Variants in SLC24A2 observed in about 807,000 individuals in gnomAD.
SLC24A2 encodes the protein solute carrier family 24 member 2.
SLC24A2 carries 36 observed loss-of-function variants against 62.0 expected under a neutral mutation model. The ratio of observed to expected loss-of-function variants is 0.58; its 90% CI spans 0.44 to 0.77. The LOEUF is 0.77. Among genes scored for constraint, SLC24A2 ranks in the 30% least tolerant of loss-of-function variants. SLC24A2 has a pLI of 0.00. For missense variants in SLC24A2, 846 were observed against 817.9 expected (o/e 1.03, Z -0.42); for synonymous variants, 358 against 294.0 (o/e 1.22, Z -2.23).
chr9:20,300,196 T>C, the SLC24A2 span, among the ~76,000 whole-genome samples: 26 of 152,344 alleles, frequency 1.7e-4, no homozygotes, highest in African/African-American at 6.0e-4. Flanking sequence ...AGGCATGCCA[T>C]GTATGGTAAT....
At chr9:19,960,864 T>A in the SLC24A2 span, among the ~76,000 whole-genome samples, 1 of 152,190 alleles carries the variant, frequency 6.6e-6, no homozygotes, top group Non-Finnish European at 1.5e-5. Context: ...CTGAGCACAA[T>A]GCCTGGTGTG....
chr9:20,236,436 G>T, the SLC24A2 span, among the ~76,000 whole-genome samples: 1 of 152,144 alleles, frequency 6.6e-6, no homozygotes, highest in Non-Finnish European at 1.5e-5. Context: ...AAAGGGAGGA[G>T]GCCATCATGA....
At chr9:19,916,831 CCTT>C in the SLC24A2 span, among the ~76,000 whole-genome samples, 1 of 151,716 alleles carries the variant, frequency 6.6e-6, no homozygotes, top group Non-Finnish European at 1.5e-5. Flanking sequence ...TGTTTAACAT[CCTT>C]CTTAGGATAG....
chr9:19,616,460 C>G (rs903422040), intron 4 of SLC24A2, among the ~76,000 whole-genome samples: 3 of 152,138 alleles, frequency 2.0e-5, no homozygotes, highest in Non-Finnish European at 2.9e-5. Context: ...GAGTCTGGTT[C>G]GGGAGTCTGT....
chr9:20,206,439 C>T, the SLC24A2 span, among the ~76,000 whole-genome samples: 1 of 151,058 alleles, frequency 6.6e-6, no homozygotes, highest in African/African-American at 2.4e-5. Context: ...CGGTAAGATG[C>T]AGTAATTTTC....
the SLC24A2 span, among the ~76,000 whole-genome samples, chr9:19,931,695 A>G: frequency 6.6e-6 from 1 of 152,194 alleles, no homozygotes; most frequent in Non-Finnish European, 1.5e-5. Flanking sequence ...CATATTTGGC[A>G]TGGGAAGTCC....
At chr9:19,887,873 T>C in the SLC24A2 span, among the ~76,000 whole-genome samples, 4 of 152,188 alleles carry the variant, frequency 2.6e-5, no homozygotes, top group Non-Finnish European at 5.9e-5. Flanking sequence ...TAGATGGAAC[T>C]GGAGACTATT....
At chr9:20,197,942 A>C in the SLC24A2 span, among the ~76,000 whole-genome samples, 41 of 152,322 alleles carry the variant, frequency 2.7e-4, no homozygotes, top group African/African-American at 9.9e-4. Flanking sequence ...TGTCCCTGCA[A>C]ATCCTTATTG....
chr9:19,550,446 A>T (rs555808294), intron 7 of SLC24A2, among the ~76,000 whole-genome samples, 178 bp from the exon 8 acceptor site: 44 of 152,358 alleles, frequency 2.9e-4, no homozygotes, highest in African/African-American at 1.1e-3. Flanking sequence ...AGGAACAAAT[A>T]ATACATTGTC....
chr9:19,766,158 G>A (rs1343914795), intron 2 of SLC24A2, among the ~76,000 whole-genome samples: 1 of 152,140 alleles, frequency 6.6e-6, no homozygotes, highest in Non-Finnish European at 1.5e-5. Flanking sequence ...GGTCATTTAT[G>A]TTCTTCTCTA....
At chr9:19,645,840 CA>C in intron 2 of SLC24A2, among the ~76,000 whole-genome samples, 1 of 152,278 alleles carries the variant, frequency 6.6e-6, no homozygotes, top group East Asian at 1.9e-4. Flanking sequence ...TATTCTTGTC[CA>C]GTCCTCTATT....
chr9:19,566,008 A>G (rs1354687029), intron 7 of SLC24A2, among the ~76,000 whole-genome samples: 1 of 152,136 alleles, frequency 6.6e-6, no homozygotes, highest in Non-Finnish European at 1.5e-5. Flanking sequence ...AAACCATAAA[A>G]ACCCTGGAAG....
the SLC24A2 span, among the ~76,000 whole-genome samples, chr9:20,018,462 G>A: frequency 1.3e-5 from 2 of 152,066 alleles, no homozygotes; most frequent in African/African-American, 2.4e-5. Flanking sequence ...GGAGATTACA[G>A]GTGATCTTTC....
At chr9:19,584,636 T>A (rs1005518283) in intron 5 of SLC24A2, among the ~76,000 whole-genome samples, 2 of 152,164 alleles carry the variant, frequency 1.3e-5, no homozygotes, top group African/African-American at 2.4e-5. Flanking sequence ...ATTTTTTTTT[T>A]AATTATTGTA....
chr9:19,645,398 TATG>T (rs1818613233), intron 2 of SLC24A2, among the ~76,000 whole-genome samples: 1 of 152,242 alleles, frequency 6.6e-6, no homozygotes, highest in African/African-American at 2.4e-5. Flanking sequence ...TATTCGGGGC[TATG>T]ATTTTGCATA....
At chr9:20,047,253 C>A in the SLC24A2 span, among the ~76,000 whole-genome samples, 5 of 152,104 alleles carry the variant, frequency 3.3e-5, no homozygotes, top group African/African-American at 1.2e-4. Context: ...CTAGTTCTGC[C>A]ACTTTCTAGC....
At chr9:19,888,623 G>A in the SLC24A2 span, among the ~76,000 whole-genome samples, 5 of 152,110 alleles carry the variant, frequency 3.3e-5, no homozygotes, top group African/African-American at 1.2e-4. Flanking sequence ...GAAATGCAAA[G>A]GACCTAATTC....
chr9:19,836,010 G>A, the SLC24A2 span, among the ~76,000 whole-genome samples: 1 of 152,244 alleles, frequency 6.6e-6, no homozygotes, highest in South Asian at 2.1e-4. Flanking sequence ...CAGAAATAAA[G>A]AAGTTCTTTG....
At chr9:20,176,511 T>C in the SLC24A2 span, among the ~76,000 whole-genome samples, 1 of 152,090 alleles carries the variant, frequency 6.6e-6, no homozygotes, top group Non-Finnish European at 1.5e-5. Context: ...TTAAAATAAC[T>C]TCCTATAATC....
Sources: allele counts gnomAD v4.1 joint callset (sites outside exome capture counted in the v4.1 genomes callset), GRCh38; gene constraint gnomAD v4.1.1; transcripts MANE v1.5; gene names NCBI Gene and HGNC (gene_info 2026-07-23, HGNC 2026-07-21).